The following VRK2 variants were observed in gnomAD, a reference collection of about 807,000 sequenced individuals.
VRK2 encodes VRK serine/threonine kinase 2.
In VRK2, 60 loss-of-function variants were observed where a neutral mutation model predicts 57.6. That is an observed-to-expected ratio of 1.04 (90% CI 0.85 to 1.29). VRK2 has a LOEUF of 1.29. Ranked by LOEUF, VRK2 falls within the 50% of genes most tolerant of loss-of-function variation. The pLI is 0.00. For synonymous variants in VRK2, 231 were observed against 199.2 expected (o/e 1.16, Z -1.35); for missense variants, 705 against 588.1 (o/e 1.20, Z -2.06).
chr2:58,017,959 A>G (rs1167014105), intron 1 of VRK2: 1 of 152,150 alleles, frequency 6.6e-6, no homozygotes, highest in African/African-American at 2.4e-5. Context: ...TGTAGAAGAA[A>G]TCTCACTTGA....
chr2:58,151,725 A>G (rs1004821386), intron 12 of VRK2, among the ~76,000 whole-genome samples: 1 of 7,118 alleles, frequency 1.4e-4, no homozygotes, highest in African/African-American at 3.7e-4. Context: ...CTATGCTTCT[A>G]TGCTTGTTTT....
chr2:57,965,207 T>C (rs1179548968), intron 1 of VRK2, among the ~76,000 whole-genome samples: 1 of 152,194 alleles, frequency 6.6e-6, no homozygotes, highest in Non-Finnish European at 1.5e-5. Flanking sequence ...ATTGGGTATT[T>C]ACAAAGTCAT....
At chr2:58,073,648 ATATATT>A (rs60045741) in intron 2 of VRK2, among the ~76,000 whole-genome samples, 95,300 of 141,942 alleles carry the variant, frequency 0.67, 32,338 homozygotes, top group African/African-American at 0.77. Context: ...ATATATATAT[ATATATT>A]TATATTTATA....
At chr2:58,093,951 G>T (rs569474669) in intron 7 of VRK2, among the ~76,000 whole-genome samples, 1 of 152,134 alleles carries the variant, frequency 6.6e-6, no homozygotes, top group African/African-American at 2.4e-5. Flanking sequence ...TTTTTGTCAG[G>T]TTTCTCAAAG....
At chr2:58,084,467 T>C (rs997697526) in intron 3 of VRK2, among the ~76,000 whole-genome samples, 3 of 151,790 alleles carry the variant, frequency 2.0e-5, no homozygotes, top group African/African-American at 7.2e-5. Flanking sequence ...CTGTACCTAG[T>C]ATAATGAATG....
intron 1 of VRK2, among the ~76,000 whole-genome samples, chr2:57,922,596 T>G (rs186765048): frequency 0.015 from 2,248 of 151,966 alleles, 24 homozygotes; most frequent in Non-Finnish European, 0.025. Context: ...GTATACAATT[T>G]TTTTTAGATT....
At chr2:58,086,827 T>C (rs1010747350) in intron 5 of VRK2, among the ~76,000 whole-genome samples, 3 of 152,194 alleles carry the variant, frequency 2.0e-5, no homozygotes, top group African/African-American at 7.2e-5. Flanking sequence ...ATAGCTGGCT[T>C]TCTCTAGAGC....
At chr2:57,986,596 A>ATTTTTT (rs11452161) in intron 1 of VRK2, among the ~76,000 whole-genome samples, 1 of 124,540 alleles carries the variant, frequency 8.0e-6, no homozygotes, top group Non-Finnish European at 1.7e-5. Context: ...AGTTCAATCG[A>ATTTTTT]TTTTTTTTTT....
Position 58,126,575 on chromosome 2 carries a change from C to G in VRK2, c.676+3342C>G, listed in dbSNP as rs186143988. On this transcript the variant is annotated intron_variant, in intron 8 of 12. Coordinates refer to ENST00000340157, the MANE Select transcript of VRK2 (RefSeq NM_006296.7). The stretch of plus-strand genomic sequence containing the variant: ...GACAGATGGATGAATGGATGGATAA[C>G]TATTCCTAGAACTCCTGTACATCTG... 8.0e-4 allele frequency among the ~76,000 whole-genome samples: 122 copies of G among 152,140 alleles called. 1 individual carries two copies. The highest frequency in any genetic ancestry group is 1.6e-4 in the Non-Finnish European group (11 of 67,930).
intron 1 of VRK2, among the ~76,000 whole-genome samples, chr2:58,020,627 G>A (rs947281519): frequency 2.6e-5 from 4 of 152,228 alleles, no homozygotes; most frequent in African/African-American, 9.6e-5. Context: ...TGTATTATAT[G>A]CTTAAATATG....
intron 1 of VRK2, among the ~76,000 whole-genome samples, chr2:58,022,857 A>G (rs1338225763): frequency 1.3e-5 from 2 of 152,220 alleles, no homozygotes; most frequent in African/African-American, 4.8e-5. Flanking sequence ...CCTGGGCAAC[A>G]GAGCAAGACC....
intron 8 of VRK2, among the ~76,000 whole-genome samples, chr2:58,125,283 T>C (rs1678169557): frequency 6.6e-6 from 1 of 152,166 alleles, no homozygotes; most frequent in Non-Finnish European, 1.5e-5. Context: ...GTTTGGACTG[T>C]GGTAAATCTG....
In VRK2 at chr2:57,948,803, G is replaced by C. The variant is rs540626848; in HGVS notation, c.-439+40964G>C. On this transcript the variant is annotated intron_variant, in intron 1 of 15. Coordinates refer to the VRK2 transcript ENST00000417641. ...CATTAATGGGAAAAGAGGGCAGAAA[G>C]AACCTGAAAAAGAGACACAAAATGA... Among the ~76,000 whole-genome samples, 20 of 152,118 alleles carry C rather than the reference G, an allele frequency of 1.3e-4. No individual in the cohort carries two copies. In the South Asian group the frequency reaches 1.5e-3, roughly 11 times the overall value.
At chr2:57,972,107 C>T (rs566268844) in intron 1 of VRK2, among the ~76,000 whole-genome samples, 1 of 151,872 alleles carries the variant, frequency 6.6e-6, no homozygotes, top group Admixed American at 6.6e-5. Context: ...TGCATATTTT[C>T]TGCCTCAGAC....
In VRK2 at chr2:58,159,845, A is replaced by AAAAAT; in HGVS notation, c.*158_*162dup. 3 of 1,608,240 alleles carry AAAAAT rather than the reference A, an allele frequency of 1.9e-6. No individual in the cohort carries two copies. Among genetic ancestry groups the AAAAAT allele is most frequent in the Non-Finnish European group, 2.5e-6 (3 of 1,178,100 alleles). ...TTTAACAAAGTTTGTGGACACTCTA[A>AAAAAT]AAAATAAAATTGCTTTGTACTAGAA... On this transcript the variant is annotated 3_prime_UTR_variant, in exon 13 of 13. Transcript: ENST00000340157.
intron 7 of VRK2, among the ~76,000 whole-genome samples, chr2:58,093,320 C>T (rs1438034199): frequency 3.9e-5 from 6 of 152,130 alleles, no homozygotes; most frequent in Admixed American, 6.5e-5. Context: ...TCCTCTCCAG[C>T]GCCTGTTGTT....
Position 58,074,684 on chromosome 2 carries a change from TA to T in VRK2, c.137-9404del, listed in dbSNP as rs373239678. Among the ~76,000 whole-genome samples the T allele has an allele frequency of 1.3e-3, 192 of 152,248 alleles. 1 individual carries two copies. The highest frequency in any genetic ancestry group is 4.6e-3 in the African/African-American group (190 of 41,580). On this transcript the variant is annotated intron_variant, in intron 2 of 12. Transcript: ENST00000340157. ...CAATTAAAATAAAAAAATAAGCTTT[TA>T]TTTTACCTTCATTTATTTCCTCTCT...
At chr2:58,122,699 T>A (rs1677701498) in intron 7 of VRK2, among the ~76,000 whole-genome samples, 1 of 152,118 alleles carries the variant, frequency 6.6e-6, no homozygotes, top group Non-Finnish European at 1.5e-5. Context: ...GAATGTTTGC[T>A]CTTATCTCCC....
intron 2 of VRK2, among the ~76,000 whole-genome samples, chr2:58,063,444 C>T (rs1244200118): frequency 6.6e-6 from 1 of 151,930 alleles, no homozygotes; most frequent in African/African-American, 2.4e-5. Context: ...CCTGAATACC[C>T]TGACTTGGTC....
Sources: allele counts gnomAD v4.1 joint callset (sites outside exome capture counted in the v4.1 genomes callset), GRCh38; gene constraint gnomAD v4.1.1; transcripts MANE v1.5; gene names NCBI Gene and HGNC (gene_info 2026-07-23, HGNC 2026-07-21).